Variants in CAMK1D observed in about 807,000 individuals in gnomAD.
The protein encoded by CAMK1D is calcium/calmodulin dependent protein kinase ID, also known as calcium/calmodulin-dependent protein kinase type 1D.
A neutral mutation model predicts 47.7 loss-of-function variants in CAMK1D; 9 were observed. That is an observed-to-expected ratio of 0.19 (90% CI 0.11 to 0.33). The LOEUF is 0.33. Among genes scored for constraint, CAMK1D ranks in the 10% least tolerant of loss-of-function variants. The probability of loss-of-function intolerance (pLI) is 1.00; values close to 1 mark genes in which losing one functional copy is unlikely to be tolerated. For missense variants in CAMK1D, 291 were observed against 488.7 expected, an observed-to-expected ratio of 0.60 and a Z score of 3.81; for synonymous variants, 184 against 184.9, an observed-to-expected ratio of 0.99 and a Z score of 0.04.
At chr10:12,694,331 T>C (rs1213767363) in intron 3 of CAMK1D, among the ~76,000 whole-genome samples, 3 of 22,370 alleles carry the variant, frequency 1.3e-4, no homozygotes, top group African/African-American at 4.9e-4. Flanking sequence ...ATATATAAAG[T>C]ATATATAATA....
intron 3 of CAMK1D, among the ~76,000 whole-genome samples, chr10:12,745,427 T>G (rs1172121969): frequency 6.6e-6 from 1 of 151,982 alleles, no homozygotes; most frequent in African/African-American, 2.4e-5. Flanking sequence ...ACACACACGC[T>G]AGAATACTAG....
At chr10:12,717,850 C>A (rs1588842733) in intron 3 of CAMK1D, among the ~76,000 whole-genome samples, 1 of 136,706 alleles carries the variant, frequency 7.3e-6, no homozygotes, top group Non-Finnish European at 1.5e-5. Context: ...GCCACGATTG[C>A]ATCACTGCAC....
chr10:12,558,815 T>C (rs1474083719), intron 2 of CAMK1D, among the ~76,000 whole-genome samples: 2 of 152,184 alleles, frequency 1.3e-5, no homozygotes, highest in Non-Finnish European at 2.9e-5. Context: ...CATGCTGTTC[T>C]GATGCCTGCT....
chr10:12,685,357 A>T lies in CAMK1D; in HGVS notation c.299+18547A>T, dbSNP rs74117795. On this transcript the variant is annotated intron_variant, in intron 3 of 10. Transcript: ENST00000619168. ...CTAACTCTGCTGTACTAGAACCTTT[A>T]GTGACCTTTAGTTGTAGATAAGTGT... 9.6e-3 allele frequency among the ~76,000 whole-genome samples: 1,464 copies of T among 152,336 alleles called. 19 individuals are homozygous for T. Among genetic ancestry groups the T allele is most frequent in the African/African-American group, 0.033 (1,392 of 41,584 alleles).
At chr10:12,607,487 A>G (rs1012580788) in intron 2 of CAMK1D, among the ~76,000 whole-genome samples, 1 of 152,206 alleles carries the variant, frequency 6.6e-6, no homozygotes, top group African/African-American at 2.4e-5. Flanking sequence ...ATCTTCCTGC[A>G]CTGTTCGCAT....
intron 2 of CAMK1D, among the ~76,000 whole-genome samples, chr10:12,554,790 T>C (rs2249801): frequency 0.91 from 138,258 of 152,146 alleles, 63,042 homozygotes; most frequent in Non-Finnish European, 0.95. Context: ...GCAGTCCTCC[T>C]ACCGCAGCCT....
intron 3 of CAMK1D, among the ~76,000 whole-genome samples, chr10:12,733,013 T>A (rs1024880021): frequency 2.6e-5 from 4 of 152,096 alleles, no homozygotes; most frequent in African/African-American, 9.7e-5. Context: ...TACAAAAAAA[T>A]GTTAAGCATG....
chr10:12,396,382 A>G (rs1838956439), intron 1 of CAMK1D, among the ~76,000 whole-genome samples: 1 of 152,050 alleles, frequency 6.6e-6, no homozygotes, highest in Admixed American at 6.6e-5. Context: ...TTTTCTCGTG[A>G]CTGCTGTTGG....
chr10:12,702,238 C>T (rs149203029), intron 3 of CAMK1D, among the ~76,000 whole-genome samples: 6 of 152,116 alleles, frequency 3.9e-5, no homozygotes, highest in East Asian at 1.9e-4. Flanking sequence ...CTCTTGGTGG[C>T]GAGGAAGTGA....
intron 6 of CAMK1D, 128 bp downstream of exon 6, chr10:12,791,361 G>T: frequency 2.7e-6 from 2 of 745,408 alleles, no homozygotes; most frequent in East Asian, 5.1e-5. Context: ...CCATGTTTAA[G>T]GGTACAGTTC....
In CAMK1D at chr10:12,530,064, A is replaced by G. The variant is rs551829192; in HGVS notation, c.93-23161A>G. Among the ~76,000 whole-genome samples the G allele has an allele frequency of 4.6e-5, 7 of 152,370 alleles. No homozygotes were observed. The East Asian group carries it at 5.8e-4, about 13-fold the overall frequency. On this transcript the variant is annotated intron_variant, in intron 1 of 10. Coordinates refer to ENST00000619168, the MANE Select transcript of CAMK1D (RefSeq NM_153498.4). ...TGATGTGCTTGTGATATACGTAAGCATACAATGTTTATTGTGATTCTAAGG... is the reference window on the plus strand; with the variant it reads ...TGATGTGCTTGTGATATACGTAAGCGTACAATGTTTATTGTGATTCTAAGG...
At chr10:12,652,198 G>A (rs1839992198) in intron 2 of CAMK1D, among the ~76,000 whole-genome samples, 1 of 152,084 alleles carries the variant, frequency 6.6e-6, no homozygotes, top group South Asian at 2.1e-4. Flanking sequence ...TGATTACACT[G>A]GTTCCCTCCA....
intron 1 of CAMK1D, among the ~76,000 whole-genome samples, chr10:12,415,746 G>GT (rs148855799): frequency 0.049 from 6,846 of 139,030 alleles, 170 homozygotes; most frequent in African/African-American, 0.074. Context: ...TTAAAATTAC[G>GT]TTTTTTTTTT....
intron 1 of CAMK1D, among the ~76,000 whole-genome samples, chr10:12,447,742 G>A (rs1335082093): frequency 2.0e-5 from 3 of 152,324 alleles, no homozygotes; most frequent in Non-Finnish European, 4.4e-5. Flanking sequence ...GTAGTTCACT[G>A]TAGTCTTGAA....
chr10:12,563,704 A>AGAGAGG (rs1175736223), intron 2 of CAMK1D, among the ~76,000 whole-genome samples: 5 of 150,566 alleles, frequency 3.3e-5, no homozygotes, highest in Non-Finnish European at 3.0e-5. Flanking sequence ...AGAGAGGGAG[A>AGAGAGG]GAGAGGGAGA....
At chr10:12,435,848 A>C (rs1832620141) in intron 1 of CAMK1D, among the ~76,000 whole-genome samples, 1 of 152,174 alleles carries the variant, frequency 6.6e-6, no homozygotes, top group African/African-American at 2.4e-5. Flanking sequence ...CCTCCTGGGC[A>C]CCATAAGTCA....
chr10:12,376,133 A>C (rs1024167155), intron 1 of CAMK1D, among the ~76,000 whole-genome samples: 7 of 132,434 alleles, frequency 5.3e-5, no homozygotes, highest in Non-Finnish European at 9.3e-5. Context: ...ACTGCACTCC[A>C]GCCTGGGTGA....
chr10:12,354,928 C>G (rs1375631829), intron 1 of CAMK1D, among the ~76,000 whole-genome samples: 1 of 150,958 alleles, frequency 6.6e-6, no homozygotes, highest in East Asian at 1.9e-4. Flanking sequence ...TGCAGCCTCA[C>G]ACTCCTGGGC....
At chr10:12,816,750 T>C (rs1255204426) in intron 8 of CAMK1D, among the ~76,000 whole-genome samples, 1 of 151,552 alleles carries the variant, frequency 6.6e-6, no homozygotes, top group Admixed American at 6.6e-5. Flanking sequence ...CGCGCGCCTG[T>C]AATCCCAGCT....
Sources: gnomAD v4.1 joint callset for allele counts (sites outside exome capture counted in the v4.1 genomes callset) on GRCh38, gnomAD v4.1.1 for gene constraint, MANE v1.5 for transcripts, NCBI Gene and HGNC (gene_info 2026-07-23, HGNC 2026-07-21) for gene names.